The following ANKRD36C variants were observed in gnomAD, a reference collection of about 807,000 sequenced individuals.
The protein encoded by ANKRD36C is ankyrin repeat domain 36C.
ANKRD36C carries 61 observed loss-of-function variants against 276.4 expected under a neutral mutation model. That is an observed-to-expected ratio of 0.22 (90% CI 0.18 to 0.27). The LOEUF (loss-of-function observed/expected upper bound fraction) is 0.27. Ranked by LOEUF, ANKRD36C falls within the 10% of genes least tolerant of loss-of-function variation. The pLI, the probability that ANKRD36C is intolerant of heterozygous loss-of-function variation, is 1.00. For synonymous variants in ANKRD36C, 483 were observed against 680.1 expected (o/e 0.71, Z 4.51); for missense variants, 1,447 against 2,032.3 (o/e 0.71, Z 5.54).
intron 24 of ANKRD36C, among the ~76,000 whole-genome samples, chr2:95,930,372 C>T (rs533783258): frequency 6.6e-6 from 1 of 151,528 alleles, no homozygotes; most frequent in Non-Finnish European, 1.5e-5. Context: ...ATCAAATCAT[C>T]CCTTATGCAA....
rs572721088 is a variant in ANKRD36C, at chr2:95,980,575, T to C, written c.731+73A>G. 2,492 of 1,539,860 alleles carry C rather than the reference T, an allele frequency of 1.6e-3. 1 individual carries two copies. Among genetic ancestry groups the C allele is most frequent in the Non-Finnish European group, 2.1e-3 (2,376 of 1,138,238 alleles). ...TCAAACTATGCAATCTCACCTGATA[T>C]ATAAGATGCAATTGCTACAATTATT... On this transcript the variant is annotated intron_variant, in intron 5 of 66. Transcript: ENST00000456556.
chr2:95,983,172 G>C (rs1199537997), intron 3 of ANKRD36C, among the ~76,000 whole-genome samples: 1 of 151,194 alleles, frequency 6.6e-6, no homozygotes, highest in African/African-American at 2.4e-5. Flanking sequence ...ATTCTGACAC[G>C]ATTGACAGTT....
At chr2:95,981,182 A>C (rs1267331976) in intron 4 of ANKRD36C, among the ~76,000 whole-genome samples, 2 of 151,804 alleles carry the variant, frequency 1.3e-5, no homozygotes, top group African/African-American at 4.8e-5. Flanking sequence ...TTAAAACAAT[A>C]ATATTAATAG....
rs554622071 is a variant in ANKRD36C at position 95,929,402 on chromosome 2, C to T, written c.1736-135G>A. 250 of 642,288 alleles carry T rather than the reference C, an allele frequency of 3.9e-4. 5 individuals carry two copies. In the South Asian group the frequency reaches 4.8e-3, roughly 12 times the overall value. 39.8% of individuals were successfully genotyped at this position (642,288 alleles called of 1,614,324 possible). On this transcript the variant is annotated intron_variant, in intron 24 of 66. Coordinates refer to ENST00000456556, the Ensembl canonical transcript of ANKRD36C. Reference sequence around the variant, plus strand: ...TTACTGTAGGCTTTGATATTTTATACTTTGTTTCTTGGGACTAAACATGAA... The same window carrying T: ...TTACTGTAGGCTTTGATATTTTATATTTTGTTTCTTGGGACTAAACATGAA...
At chr2:95,851,673 G>A in intron 66 of ANKRD36C, 21 bp downstream of exon 86, 1 of 1,459,514 alleles carries the variant, frequency 6.9e-7, no homozygotes, top group Non-Finnish European at 9.4e-7. Context: ...CAGTATGACA[G>A]AAATTAAGAA....
intron 24 of ANKRD36C, among the ~76,000 whole-genome samples, chr2:95,933,394 C>A (rs940620851): frequency 1.1e-4 from 16 of 152,332 alleles, no homozygotes; most frequent in African/African-American, 3.6e-4. Flanking sequence ...GATATTGATT[C>A]TTCCTAACCA....
intron 6 of ANKRD36C, among the ~76,000 whole-genome samples, chr2:95,977,847 T>C (rs1251603056): frequency 2.6e-5 from 4 of 152,194 alleles, no homozygotes; most frequent in African/African-American, 7.2e-5. Flanking sequence ...TACAACATAA[T>C]AACTTAAAAA....
chr2:95,887,034 T>C lies in ANKRD36C; in HGVS notation c.3062-790A>G, dbSNP rs555216996. Among the ~76,000 whole-genome samples the C allele has an allele frequency of 1.4e-4, 21 of 151,556 alleles. No homozygotes were observed. The South Asian group carries it at 4.4e-3, about 31-fold the overall frequency. ...CACTTGGAAATCACTCCAATATTCA[T>C]TGAAAATTACCATTTTAGGAGTCAG... On this transcript the variant is annotated intron_variant, in intron 50 of 66. Transcript: ENST00000456556.
intron 66 of ANKRD36C, 43 bp downstream of exon 86, chr2:95,851,650 TA>T: frequency 7.1e-7 from 1 of 1,416,838 alleles, no homozygotes. Context: ...ACTGGAAAAA[TA>T]AAATTCCTTT....
intron 1 of ANKRD36C, among the ~76,000 whole-genome samples, chr2:95,990,660 G>GA (rs1679120962): frequency 6.6e-6 from 1 of 152,118 alleles, no homozygotes; most frequent in Non-Finnish European, 1.5e-5. Flanking sequence ...CAGAACTTTA[G>GA]AAAAATGTGT....
At chr2:95,862,887 T>C (rs1406386592) in intron 60 of ANKRD36C, among the ~76,000 whole-genome samples, 1 of 151,930 alleles carries the variant, frequency 6.6e-6, no homozygotes, top group African/African-American at 2.4e-5. Flanking sequence ...AAAGCATTCA[T>C]GAACTAGGAC....
At chr2:95,876,284 T>C (rs1675951073) in intron 59 of ANKRD36C, 155 bp downstream of exon 79, 4 of 706,924 alleles carry the variant, frequency 5.7e-6, no homozygotes, top group Non-Finnish European at 9.5e-6. Flanking sequence ...TTTTAAGTTT[T>C]ATAACTAGTT....
At chr2:95,907,946 T>C (rs2104387938) in intron 42 of ANKRD36C, among the ~76,000 whole-genome samples, 2 of 149,764 alleles carry the variant, frequency 1.3e-5, no homozygotes, top group Non-Finnish European at 3.0e-5. Context: ...TATGAAAATA[T>C]TCCAAATGCA....
intron 44 of ANKRD36C, among the ~76,000 whole-genome samples, chr2:95,894,581 T>C (rs1323530824): frequency 1.3e-5 from 2 of 151,526 alleles, no homozygotes; most frequent in Non-Finnish European, 3.0e-5. Flanking sequence ...AAGAGCCTTG[T>C]TGGGAGTATC....
At chr2:95,915,638 G>C (rs927813675) in intron 38 of ANKRD36C, among the ~76,000 whole-genome samples, 1 of 151,388 alleles carries the variant, frequency 6.6e-6, no homozygotes, top group African/African-American at 2.4e-5. Context: ...ATGATGTGAC[G>C]TCTGTAAAAT....
chr2:95,989,307 T>C (rs908115495), intron 1 of ANKRD36C, among the ~76,000 whole-genome samples: 33 of 152,238 alleles, frequency 2.2e-4, no homozygotes, highest in African/African-American at 7.2e-4. Flanking sequence ...GTTTTAAACA[T>C]ACTGATCATT....
intron 14 of ANKRD36C, among the ~76,000 whole-genome samples, chr2:95,952,487 C>T (rs1678222360): frequency 6.6e-6 from 1 of 152,292 alleles, no homozygotes; most frequent in African/African-American, 2.4e-5. Context: ...TAATGTATGT[C>T]CCAAAAAAAA....
At chr2:95,985,599 G>A (rs1356367825) in intron 3 of ANKRD36C, among the ~76,000 whole-genome samples, 1 of 152,022 alleles carries the variant, frequency 6.6e-6, no homozygotes, top group Non-Finnish European at 1.5e-5. Flanking sequence ...AATCTTCAGG[G>A]GATATCCTAG....
exon 1 of ANKRD36C, chr2:95,991,566 A>G: frequency 6.2e-7 from 1 of 1,613,666 alleles, no homozygotes; most frequent in Non-Finnish European, 8.5e-7. Flanking sequence ...AACGAACTTC[A>G]GTTCCTCCAG....
Sources: allele counts gnomAD v4.1 joint callset (sites outside exome capture counted in the v4.1 genomes callset), GRCh38; gene constraint gnomAD v4.1.1; transcripts MANE v1.5; gene names NCBI Gene and HGNC (gene_info 2026-07-23, HGNC 2026-07-21).